CAST: variants seen among roughly 807,000 people sequenced by gnomAD.
CAST encodes the protein MIR583 host.
CAST carries 76 observed loss-of-function variants against 119.6 expected under a neutral mutation model. That is an observed-to-expected ratio of 0.64 (90% CI 0.53 to 0.77). The LOEUF (loss-of-function observed/expected upper bound fraction) is 0.77. Among genes scored for constraint, CAST ranks in the 30% least tolerant of loss-of-function variants. The pLI, the probability that CAST is intolerant of heterozygous loss-of-function variation, is 0.00. For missense variants in CAST, 953 were observed against 946.5 expected (o/e 1.01, Z -0.09); for synonymous variants, 319 against 331.6 (o/e 0.96, Z 0.41).
chr5:96,380,583 A>G, the CAST span, among the ~76,000 whole-genome samples: 2 of 152,210 alleles, frequency 1.3e-5, no homozygotes, highest in Admixed American at 6.5e-5. Context: ...TTGAAAATGA[A>G]TAAAATGAGC....
At chr5:96,720,072 C>T (rs1326314078) in intron 3 of CAST, among the ~76,000 whole-genome samples, 1 of 152,148 alleles carries the variant, frequency 6.6e-6, no homozygotes, top group Non-Finnish European at 1.5e-5. Flanking sequence ...AGCTTTCATA[C>T]GGGCAGGGAC....
At chr5:96,412,752 G>GTTTTGTTTT in the CAST span, among the ~76,000 whole-genome samples, 12 of 71,822 alleles carry the variant, frequency 1.7e-4, no homozygotes, top group African/African-American at 1.1e-3. Context: ...CAGCTGTGAT[G>GTTTTGTTTT]TTTTTTTTTT....
At chr5:96,724,162 G>A (rs1758808394) in intron 4 of CAST, among the ~76,000 whole-genome samples, 1 of 151,586 alleles carries the variant, frequency 6.6e-6, no homozygotes, top group Admixed American at 6.6e-5. Context: ...ATTATGTTAA[G>A]CTTAATCTTA....
chr5:96,282,946 G>A, the CAST span, among the ~76,000 whole-genome samples: 2 of 151,052 alleles, frequency 1.3e-5, no homozygotes, highest in Admixed American at 1.3e-4. Context: ...TGGCTAACAC[G>A]GTGAAACCCT....
chr5:96,420,019 G>T, the CAST span, among the ~76,000 whole-genome samples: 3 of 152,140 alleles, frequency 2.0e-5, no homozygotes, highest in Admixed American at 6.5e-5. Context: ...GAAGGAGCCA[G>T]TGCCTCCATC....
chr5:96,464,782 T>C, the CAST span, among the ~76,000 whole-genome samples: 1 of 152,110 alleles, frequency 6.6e-6, no homozygotes, highest in Non-Finnish European at 1.5e-5. Flanking sequence ...TGGGCAGTCA[T>C]TAAATAGCTC....
At chr5:96,097,459 ATTAG>A in the CAST span, among the ~76,000 whole-genome samples, 1 of 151,516 alleles carries the variant, frequency 6.6e-6, no homozygotes, top group Non-Finnish European at 1.5e-5. Context: ...CCTAGTTCCC[ATTAG>A]TTATTTTTCC....
the CAST span, among the ~76,000 whole-genome samples, chr5:96,286,933 A>C: frequency 0.69 from 104,130 of 151,936 alleles, 36,000 homozygotes; most frequent in East Asian, 0.81. Context: ...ATATTTGCTG[A>C]AACATTATCC....
chr5:96,421,692 A>C, the CAST span, among the ~76,000 whole-genome samples: 1 of 152,168 alleles, frequency 6.6e-6, no homozygotes, highest in East Asian at 1.9e-4. Flanking sequence ...TGGTTCTATA[A>C]ACCAAAGGGA....
At chr5:96,717,055 G>T (rs1435146524) in intron 3 of CAST, among the ~76,000 whole-genome samples, 1 of 152,136 alleles carries the variant, frequency 6.6e-6, no homozygotes, top group Non-Finnish European at 1.5e-5. Flanking sequence ...GTTTAAATGA[G>T]ACTAACTGAC....
chr5:96,227,629 G>A, the CAST span, among the ~76,000 whole-genome samples: 2 of 152,142 alleles, frequency 1.3e-5, no homozygotes, highest in Non-Finnish European at 2.9e-5. Context: ...GCCATCATGG[G>A]AAATTAGAAT....
chr5:96,422,382 C>T, the CAST span, among the ~76,000 whole-genome samples: 1 of 152,130 alleles, frequency 6.6e-6, no homozygotes, highest in Non-Finnish European at 1.5e-5. Context: ...AAAGAAGTGG[C>T]TGAGGGTGGG....
chr5:96,180,483 A>C, the CAST span, among the ~76,000 whole-genome samples: 1 of 152,226 alleles, frequency 6.6e-6, no homozygotes, highest in Admixed American at 6.5e-5. Context: ...ATCAGCTGAG[A>C]ACCAAATGGT....
chr5:96,361,846 TA>T, the CAST span, among the ~76,000 whole-genome samples: 1 of 151,110 alleles, frequency 6.6e-6, no homozygotes, highest in African/African-American at 2.4e-5. Context: ...TTTTTTTTTT[TA>T]GTTATACTTT....
chr5:96,581,921 C>T (rs1041174870), intron 1 of CAST, among the ~76,000 whole-genome samples: 1 of 117,846 alleles, frequency 8.5e-6, no homozygotes, highest in Non-Finnish European at 1.9e-5. Flanking sequence ...AATAAATAAA[C>T]AATCTGAATA....
the CAST span, among the ~76,000 whole-genome samples, chr5:96,326,424 T>C: frequency 9.9e-5 from 15 of 152,204 alleles, 1 homozygote; most frequent in Non-Finnish European, 2.2e-4. Flanking sequence ...CCCATGGCTT[T>C]GAATGTTCTC....
the CAST span, among the ~76,000 whole-genome samples, chr5:96,075,285 A>C: frequency 1.3e-5 from 2 of 152,208 alleles, no homozygotes; most frequent in African/African-American, 4.8e-5. Context: ...GTAAGGCTTT[A>C]CCAACTCTAT....
At chr5:96,472,857 T>C in the CAST span, among the ~76,000 whole-genome samples, 1 of 152,240 alleles carries the variant, frequency 6.6e-6, no homozygotes, top group Admixed American at 6.5e-5. Context: ...GTATATACTG[T>C]CCTGGTTCTT....
chr5:96,632,355 T>A (rs2150202060), intron 1 of CAST, among the ~76,000 whole-genome samples: 1 of 150,940 alleles, frequency 6.6e-6, no homozygotes, highest in South Asian at 2.1e-4. Flanking sequence ...TTAATTTTGA[T>A]GAAGCCCAAT....
Sources: allele counts gnomAD v4.1 joint callset (sites outside exome capture counted in the v4.1 genomes callset), GRCh38; gene constraint gnomAD v4.1.1; transcripts MANE v1.5; gene names NCBI Gene and HGNC (gene_info 2026-07-23, HGNC 2026-07-21).